Variants in PLCG1 observed in about 807,000 individuals in gnomAD.
The protein encoded by PLCG1 is phospholipase C gamma 1, also known as 1-phosphatidylinositol 4,5-bisphosphate phosphodiesterase gamma-1.
PLCG1 carries 71 observed loss-of-function variants against 177.8 expected under a neutral mutation model. That is an observed-to-expected ratio of 0.40 (90% CI 0.33 to 0.49). The LOEUF is 0.49. Among genes scored for constraint, PLCG1 ranks in the 20% least tolerant of loss-of-function variants. PLCG1 has a pLI of 0.72. For missense variants in PLCG1, 1,281 were observed against 1,709.0 expected, an observed-to-expected ratio of 0.75 and a Z score of 4.42; for synonymous variants, 658 against 647.9, an observed-to-expected ratio of 1.02 and a Z score of -0.24.
intron 1 of PLCG1, among the ~76,000 whole-genome samples, chr20:41,141,888 G>A (rs2034842686): frequency 6.6e-6 from 1 of 152,254 alleles, no homozygotes; most frequent in Non-Finnish European, 1.5e-5. Flanking sequence ...TTGTGTGTGT[G>A]TGTACACAGA....
chr20:41,170,338 C>T (rs746330100), intron 24 of PLCG1, 69 bp downstream of exon 24: 7 of 1,551,608 alleles, frequency 4.5e-6, no homozygotes, highest in Non-Finnish European at 6.2e-6. Context: ...CCTCCAGCTC[C>T]CAGCACAGGC....
chr20:41,174,211 G>T lies in PLCG1; in HGVS notation c.3733G>T (p.Ala1245Ser). Reference sequence around the variant, plus strand: ...CTCAGGCCAGCTGTTTCATGGCCGAGCCCGGGAAGGCTCCTTTGAATCCCG... The same window carrying T: ...CTCAGGCCAGCTGTTTCATGGCCGATCCCGGGAAGGCTCCTTTGAATCCCG... Reference protein sequence around the residue: ...DASGQLFHGRAREGSFESRYQ... With the variant: ...DASGQLFHGRSREGSFESRYQ... The change falls in exon 31 of 32, where the codon GCC becomes TCC. Residue 1245 changes from alanine (A) to serine (S), a missense_variant. Physicochemically the swap from Ala to Ser is moderately conservative, Grantham distance 99. Coordinates refer to ENST00000685551, the MANE Select transcript of PLCG1 (RefSeq NM_002660.3). This position sits in a 1 kb window ranked among gnomAD's most constrained non-coding sequence, Gnocchi z 5.8. 6.2e-7 allele frequency: 1 copy of T among 1,614,186 alleles called. No homozygotes were observed. Among genetic ancestry groups the T allele is most frequent in the Admixed American group, 1.7e-5 (1 of 60,028 alleles).
intron 1 of PLCG1, among the ~76,000 whole-genome samples, chr20:41,138,713 G>A (rs1293464301): frequency 2.6e-5 from 4 of 152,250 alleles, no homozygotes; most frequent in East Asian, 3.9e-4. Context: ...TTCAGGGAGC[G>A]GGAGCGGCTT....
chr20:41,154,500 G>A (rs1211664483), intron 1 of PLCG1, among the ~76,000 whole-genome samples: 1 of 152,140 alleles, frequency 6.6e-6, no homozygotes, highest in Non-Finnish European at 1.5e-5. Flanking sequence ...ACTCTGCCGG[G>A]GCAACAGGAA....
In PLCG1 at chr20:41,146,425, A is replaced by G. The variant is rs2041045849; in HGVS notation, c.217+8567A>G. Among the ~76,000 whole-genome samples, 1 of 152,150 alleles carries G rather than the reference A, an allele frequency of 6.6e-6. No individual in the cohort carries two copies. Among genetic ancestry groups the G allele is most frequent in the Non-Finnish European group, 1.5e-5 (1 of 68,026 alleles). On this transcript the variant is annotated intron_variant, in intron 1 of 31. Coordinates refer to ENST00000685551, the MANE Select transcript of PLCG1 (RefSeq NM_002660.3). This position sits in a 1 kb window ranked among gnomAD's most constrained non-coding sequence, Gnocchi z 6.3. ...GGTCCCTCCACCTGCCAGCTGGCAC[A>G]CAGGTGTTGGGTAAAGCATCTGTAC...
At position 41,163,501 on chromosome 20, in the gene PLCG1, T is replaced by C; in HGVS notation, c.891+22T>C. 1.3e-6 allele frequency: 2 copies of C among 1,558,092 alleles called. No individual in the cohort carries two copies. The highest frequency in any genetic ancestry group is 2.2e-5 in the South Asian group (2 of 90,112). On this transcript the variant is annotated intron_variant, in intron 9 of 31. Coordinates refer to ENST00000685551, the MANE Select transcript of PLCG1 (RefSeq NM_002660.3). The surrounding 1 kb of genome is among the most constrained non-coding windows in gnomAD (Gnocchi z 5.2). ...TGAGGTGAGCCCGATGTTTCACCCA[T>C]TTTTTGTCAAGAGAATGAGTAGGGG...
intron 1 of PLCG1, among the ~76,000 whole-genome samples, chr20:41,149,188 T>C (rs1297514993): frequency 6.6e-6 from 1 of 152,218 alleles, no homozygotes; most frequent in Non-Finnish European, 1.5e-5. Flanking sequence ...CTCAGCTTCT[T>C]ATAGTATTTG....
At chr20:41,155,014 A>G (rs1455668380) in intron 1 of PLCG1, among the ~76,000 whole-genome samples, 1 of 152,208 alleles carries the variant, frequency 6.6e-6, no homozygotes, top group African/African-American at 2.4e-5. Flanking sequence ...GCTCTGAGTA[A>G]CTGCTGGTCT....
In PLCG1 at chr20:41,175,908, C is replaced by G. The variant is rs985823731; in HGVS notation, c.*1399C>G. On this transcript the variant is annotated 3_prime_UTR_variant, in exon 32 of 32. Coordinates refer to ENST00000685551, the MANE Select transcript of PLCG1 (RefSeq NM_002660.3). ...AACAGGAGTTGTGGGTCCACTCTCT[C>G]CTGCCCACCCTCTGAGGGTGTGTCT... is the stretch of plus-strand genomic sequence containing the variant. 10 of 152,362 alleles carry G rather than the reference C, an allele frequency of 6.6e-5. No homozygotes were observed. The highest frequency in any genetic ancestry group is 2.4e-4 in the African/African-American group (10 of 41,446). 9.4% of individuals were successfully genotyped at this position (152,362 alleles called of 1,614,324 possible).
At position 41,166,114 on chromosome 20, in the gene PLCG1, C is replaced by A; in HGVS notation, c.1800-80C>A. 3.1e-6 allele frequency: 4 copies of A among 1,295,740 alleles called. No individual in the cohort carries two copies. The highest frequency in any genetic ancestry group is 4.4e-6 in the Non-Finnish European group (4 of 913,260). 80.3% of individuals were successfully genotyped at this position (1,295,740 alleles called of 1,614,324 possible). A position where few individuals can be genotyped will look rare whatever the true frequency, so the allele number is the denominator to read the frequency against. ...TCCTTGAGGCTCCCTCCTTGAGTTC[C>A]ACCCTCATTTGGGGTGGAACTTGGT... On this transcript the variant is annotated intron_variant, in intron 16 of 31. Transcript: ENST00000685551. The surrounding 1 kb of genome is among the most constrained non-coding windows in gnomAD (Gnocchi z 8.6).
chr20:41,141,893 C>T (rs1403263606), intron 1 of PLCG1, among the ~76,000 whole-genome samples: 1 of 152,224 alleles, frequency 6.6e-6, no homozygotes, highest in Non-Finnish European at 1.5e-5. Flanking sequence ...TGTGTGTGTA[C>T]ACAGATGCAC....
At position 41,164,245 on chromosome 20, in the gene PLCG1, G is replaced by C. The variant is rs775880417; in HGVS notation, c.1217+44G>C. 3.7e-6 allele frequency: 6 copies of C among 1,608,308 alleles called. No individual in the cohort carries two copies. In the South Asian group the frequency reaches 5.5e-5, roughly 15 times the overall value. ...GACCCAGGGGTTAACTTGGCTCCAG[G>C]TCTCTCGTTCTAGAGGGACAGAGGG... is the stretch of plus-strand genomic sequence containing the variant. On this transcript the variant is annotated intron_variant, in intron 12 of 31. Transcript: ENST00000685551. This position sits in a 1 kb window ranked among gnomAD's most constrained non-coding sequence, Gnocchi z 6.4.
rs776259390 is a variant in PLCG1 at position 41,166,397 on chromosome 20, G to A, written c.2000+3G>A. ...ACCAACGCCCACGAGAGCAAAGAGT[G>A]AGGGAAGGGCCTGGGGGCGGACAAG... On this transcript the variant is annotated splice_donor_region_variant and intron_variant, in intron 17 of 31. Transcript: ENST00000685551. The surrounding 1 kb of genome is among the most constrained non-coding windows in gnomAD (Gnocchi z 8.6). The A allele has an allele frequency of 6.2e-7, 1 of 1,614,108 alleles. No individual in the cohort carries two copies. Among genetic ancestry groups the A allele is most frequent in the East Asian group, 2.2e-5 (1 of 44,878 alleles).
In PLCG1 at chr20:41,173,728, G is replaced by A. The variant is rs766302223; in HGVS notation, c.3471G>A (p.Leu1157=). Residue 1157 remains leucine, a synonymous_variant, in exon 29 of 32, where the codon CTG becomes CTA. Coordinates refer to ENST00000685551, the MANE Select transcript of PLCG1 (RefSeq NM_002660.3). The surrounding 1 kb of genome is among the most constrained non-coding windows in gnomAD (Gnocchi z 6.2). ...TCAGTAACCCTGAATTTGCCTTTCTGCGCTTCGTGGTGTATGAGGAAGACA... is the reference window on the plus strand; with the variant it reads ...TCAGTAACCCTGAATTTGCCTTTCTACGCTTCGTGGTGTATGAGGAAGACA... The part of the protein sequence containing the change: ...FQISNPEFAF[L]RFVVYEEDMF... 4 of 1,614,142 alleles carry A rather than the reference G, an allele frequency of 2.5e-6. No homozygotes were observed. The highest frequency in any genetic ancestry group is 3.4e-6 in the Non-Finnish European group (4 of 1,180,024).
In PLCG1 at chr20:41,161,849, G is replaced by A. The variant is rs369550585; in HGVS notation, c.513-603G>A. 5.1e-4 allele frequency among the ~76,000 whole-genome samples: 78 copies of A among 152,188 alleles called. 1 individual carries two copies. The highest frequency in any genetic ancestry group is 5.0e-3 in the East Asian group (26 of 5,172). ...CAGGACACCCCTGGAGAGCAGGGGC[G>A]CTTGTTCTCTCAGTTTCTTTCCTGG... On this transcript the variant is annotated intron_variant, in intron 4 of 31. Coordinates refer to ENST00000685551, the MANE Select transcript of PLCG1 (RefSeq NM_002660.3).
rs1274472532 is a variant in PLCG1, at chr20:41,144,836, C to T, written c.217+6978C>T. 6.6e-6 allele frequency among the ~76,000 whole-genome samples: 1 copy of T among 152,046 alleles called. No individual in the cohort carries two copies. The highest frequency in any genetic ancestry group is 2.4e-5 in the African/African-American group (1 of 41,382). ...GTAGATCTCTAGCGTGGTTTGTGTTCCATCTCACCATACCTACTCTCCTTA... is the reference window on the plus strand; with the variant it reads ...GTAGATCTCTAGCGTGGTTTGTGTTTCATCTCACCATACCTACTCTCCTTA... On this transcript the variant is annotated intron_variant, in intron 1 of 31. Coordinates refer to ENST00000685551, the MANE Select transcript of PLCG1 (RefSeq NM_002660.3). The surrounding 1 kb of genome is among the most constrained non-coding windows in gnomAD (Gnocchi z 4.1).
At chr20:41,143,861 A>G (rs745388453) in intron 1 of PLCG1, among the ~76,000 whole-genome samples, 1 of 152,220 alleles carries the variant, frequency 6.6e-6, no homozygotes, top group Non-Finnish European at 1.5e-5. Flanking sequence ...TGTGAAAACT[A>G]CCCAGCACAA....
intron 4 of PLCG1, 89 bp from the exon 5 acceptor site, chr20:41,162,363 T>C: frequency 2.1e-6 from 2 of 938,426 alleles, no homozygotes; most frequent in Non-Finnish European, 3.5e-6. Flanking sequence ...TAGTGTTGTT[T>C]ACCTGTCCAG....
Position 41,166,551 on chromosome 20 carries a change from G to C in PLCG1, c.2076G>C (p.Leu692=). ...LMRVPRDGAF[L]VRKRNEPNSY... Reference sequence around the variant, plus strand: ...GCGTCCCTCGTGATGGGGCCTTCCTGGTGCGGAAGCGGAATGAACCCAACT... The same window carrying C: ...GCGTCCCTCGTGATGGGGCCTTCCTCGTGCGGAAGCGGAATGAACCCAACT... The change falls in exon 18 of 32, where the codon CTG becomes CTC. Residue 692 remains leucine, a synonymous_variant. Transcript: ENST00000685551. This position sits in a 1 kb window ranked among gnomAD's most constrained non-coding sequence, Gnocchi z 8.6. The C allele has an allele frequency of 6.2e-7, 1 of 1,614,200 alleles. No homozygotes were observed. The highest frequency in any genetic ancestry group is 8.5e-7 in the Non-Finnish European group (1 of 1,180,046).
Sources: gnomAD v4.1 joint callset for allele counts (sites outside exome capture counted in the v4.1 genomes callset) on GRCh38, gnomAD v4.1.1 for gene constraint, Gnocchi (gnomAD v3.1) non-coding constraint, MANE v1.5 for transcripts, NCBI Gene and HGNC (gene_info 2026-07-23, HGNC 2026-07-21) for gene names.